SCAPER: variants seen among roughly 807,000 people sequenced by gnomAD.
SCAPER encodes S-phase cyclin A associated protein in the ER.
SCAPER carries 98 observed loss-of-function variants against 182.2 expected under a neutral mutation model. That is an observed-to-expected ratio of 0.54 (90% CI 0.46 to 0.64). The LOEUF (loss-of-function observed/expected upper bound fraction) is 0.64. Among genes scored for constraint, SCAPER ranks in the 30% least tolerant of loss-of-function variants. The pLI, the probability that SCAPER is intolerant of heterozygous loss-of-function variation, is 0.00. For missense variants in SCAPER, 1,432 were observed against 1,690.0 expected, an observed-to-expected ratio of 0.85 and a Z score of 2.68; for synonymous variants, 605 against 564.6, an observed-to-expected ratio of 1.07 and a Z score of -1.01.
intron 24 of SCAPER, among the ~76,000 whole-genome samples, chr15:76,501,345 TAA>T (rs35025661): frequency 0.038 from 4,880 of 126,956 alleles, 209 homozygotes; most frequent in African/African-American, 0.12. Flanking sequence ...CAATTTCATG[TAA>T]AAAAAAAAAA....
chr15:76,680,934 A>G (rs1372439742), intron 20 of SCAPER, among the ~76,000 whole-genome samples: 1 of 152,214 alleles, frequency 6.6e-6, no homozygotes, highest in African/African-American at 2.4e-5. Flanking sequence ...TAATAATACA[A>G]TTGAAGACTA....
chr15:76,441,075 C>A (rs1241810999), intron 25 of SCAPER, among the ~76,000 whole-genome samples: 3 of 151,780 alleles, frequency 2.0e-5, no homozygotes, highest in Non-Finnish European at 4.4e-5. Flanking sequence ...GCACCCGCCA[C>A]CACGCCCGGC....
At chr15:76,522,608 T>G (rs1049787729) in intron 23 of SCAPER, among the ~76,000 whole-genome samples, 1 of 151,746 alleles carries the variant, frequency 6.6e-6, no homozygotes, top group African/African-American at 2.4e-5. Context: ...TAAGACAGAG[T>G]AGTAAATAAG....
At position 76,416,452 on chromosome 15, in the gene SCAPER, A is replaced by G. The variant is rs2045655654; in HGVS notation, c.3312-11773T>C. Among the ~76,000 whole-genome samples, 4 of 151,908 alleles carry G rather than the reference A, an allele frequency of 2.6e-5. No homozygotes were observed. In the South Asian group the frequency reaches 8.3e-4, roughly 32 times the overall value. ...TGCAGTGAGCTGGGATCACACCACT[A>G]CATTCCAGCCTGGGTGGCAGAGCGA... is the stretch of plus-strand genomic sequence containing the variant. On this transcript the variant is annotated intron_variant, in intron 26 of 31. Coordinates refer to ENST00000563290, the MANE Select transcript of SCAPER (RefSeq NM_020843.4).
chr15:76,511,594 C>T (rs1296160573), intron 23 of SCAPER, among the ~76,000 whole-genome samples: 5 of 152,086 alleles, frequency 3.3e-5, no homozygotes, highest in African/African-American at 9.7e-5. Context: ...AACCAAATTC[C>T]TTATATAACC....
At chr15:76,629,219 C>A (rs2052868932) in intron 21 of SCAPER, among the ~76,000 whole-genome samples, 1 of 152,254 alleles carries the variant, frequency 6.6e-6, no homozygotes, top group Non-Finnish European at 1.5e-5. Context: ...GACACTTTGA[C>A]TTCCTCTCTT....
In SCAPER at chr15:76,569,854, TTC is replaced by T. The variant is rs556752681; in HGVS notation, c.2838+4302_2838+4303del. Among the ~76,000 whole-genome samples the T allele has an allele frequency of 1.2e-4, 18 of 152,224 alleles. 1 individual carries two copies. Among genetic ancestry groups the T allele is most frequent in the Middle Eastern group, 3.4e-3 (1 of 294 alleles). On this transcript the variant is annotated intron_variant, in intron 23 of 31. Transcript: ENST00000563290. ...ATTACTAAAATGTTCAGTTTTCAAATTCTGTTTTCTCAAATGTGCTATATATC... is the reference window on the plus strand; with the variant it reads ...ATTACTAAAATGTTCAGTTTTCAAATTGTTTTCTCAAATGTGCTATATATC...
chr15:76,690,864 G>GTAAAAATATAGAAA (rs1567811640), intron 20 of SCAPER, among the ~76,000 whole-genome samples: 2,351 of 152,020 alleles, frequency 0.015, 61 homozygotes, highest in African/African-American at 0.054. Flanking sequence ...AACTATAGAC[G>GTAAAAATATAGAAA]AAGTTCATAT....
intron 20 of SCAPER, among the ~76,000 whole-genome samples, chr15:76,675,518 C>T (rs1363824338): frequency 6.6e-6 from 1 of 152,186 alleles, no homozygotes; most frequent in African/African-American, 2.4e-5. Context: ...TGGAACAGGA[C>T]AAAATTTAAC....
At chr15:76,855,262 T>C (rs530254520) in intron 4 of SCAPER, among the ~76,000 whole-genome samples, 2 of 152,006 alleles carry the variant, frequency 1.3e-5, no homozygotes, top group African/African-American at 2.4e-5. Flanking sequence ...TTACACCATA[T>C]ACAAAAATCA....
intron 27 of SCAPER, among the ~76,000 whole-genome samples, chr15:76,400,753 G>C (rs1333589497): frequency 1.3e-5 from 2 of 152,166 alleles, no homozygotes; most frequent in Non-Finnish European, 2.9e-5. Context: ...CCTACTAACA[G>C]AAGTTTGCTA....
intron 25 of SCAPER, among the ~76,000 whole-genome samples, chr15:76,443,455 A>G (rs1046584269): frequency 2.6e-5 from 4 of 152,214 alleles, no homozygotes; most frequent in Non-Finnish European, 5.9e-5. Context: ...TGTTTTACAA[A>G]AAGTTTATGG....
At chr15:76,621,943 G>A in intron 21 of SCAPER, 114 bp from the exon 22 acceptor site, 1 of 667,904 alleles carries the variant, frequency 1.5e-6, no homozygotes, top group Non-Finnish European at 2.6e-6. Context: ...ATTAAATCTG[G>A]TGATTGAAGT....
At chr15:76,664,024 T>C (rs1430979217) in intron 21 of SCAPER, among the ~76,000 whole-genome samples, 1 of 151,984 alleles carries the variant, frequency 6.6e-6, no homozygotes, top group Non-Finnish European at 1.5e-5. Context: ...TCAAAAGCAG[T>C]TTCATTGATA....
rs374626110 is a variant in SCAPER, at chr15:76,588,796, T to TG, written c.2712-14513dup. 3.4e-3 allele frequency among the ~76,000 whole-genome samples: 525 copies of TG among 152,212 alleles called. 2 individuals carry two copies. Among genetic ancestry groups the TG allele is most frequent in the Non-Finnish European group, 6.1e-3 (412 of 68,016 alleles). ...CAGGTGTGGTGGCTAGTGTGATTTT[T>TG]GGGGGGGGTGTTAAAGAACCTTGTT... On this transcript the variant is annotated intron_variant, in intron 22 of 31. Coordinates refer to ENST00000563290, the MANE Select transcript of SCAPER (RefSeq NM_020843.4).
At chr15:76,873,359 C>T (rs996559489) in intron 2 of SCAPER, among the ~76,000 whole-genome samples, 2 of 144,744 alleles carry the variant, frequency 1.4e-5, no homozygotes, top group Non-Finnish European at 3.0e-5. Context: ...GGCAGGCAGG[C>T]AGGCAGGCAG....
At chr15:76,445,504 C>A (rs2047936387) in intron 25 of SCAPER, among the ~76,000 whole-genome samples, 1 of 152,180 alleles carries the variant, frequency 6.6e-6, no homozygotes, top group South Asian at 2.1e-4. Context: ...AGTGTCACCT[C>A]ATTACTGTCA....
intron 8 of SCAPER, among the ~76,000 whole-genome samples, chr15:76,787,088 T>C (rs1204768777): frequency 6.6e-6 from 1 of 152,210 alleles, no homozygotes; most frequent in Non-Finnish European, 1.5e-5. Context: ...GATCCATCAT[T>C]GTAATTGTTC....
intron 26 of SCAPER, among the ~76,000 whole-genome samples, chr15:76,417,902 C>T (rs998016162): frequency 6.6e-6 from 1 of 152,086 alleles, no homozygotes; most frequent in Admixed American, 6.6e-5. Context: ...CCTATAGTCC[C>T]AGCTACTTGG....
Sources: gnomAD v4.1 joint callset for allele counts (sites outside exome capture counted in the v4.1 genomes callset) on GRCh38, gnomAD v4.1.1 for gene constraint, MANE v1.5 for transcripts, NCBI Gene and HGNC (gene_info 2026-07-23, HGNC 2026-07-21) for gene names.